The following RSBN1 variants were observed in gnomAD, a reference collection of about 807,000 sequenced individuals.
RSBN1 encodes round spermatid basic protein 1.
In RSBN1, 23 loss-of-function variants were observed where a neutral mutation model predicts 74.8. The ratio of observed to expected loss-of-function variants is 0.31; its 90% CI spans 0.22 to 0.44. The LOEUF is 0.44. Ranked by LOEUF, RSBN1 falls within the 20% of genes least tolerant of loss-of-function variation. The probability of loss-of-function intolerance (pLI) is 1.00; values close to 1 mark genes in which losing one functional copy is unlikely to be tolerated. For synonymous variants in RSBN1, 407 were observed against 379.6 expected, an observed-to-expected ratio of 1.07 and a Z score of -0.84; for missense variants, 808 against 1,020.9, an observed-to-expected ratio of 0.79 and a Z score of 2.84.
intron 1 of RSBN1, among the ~76,000 whole-genome samples, chr1:113,807,957 G>A (rs887087969): frequency 6.6e-6 from 1 of 151,958 alleles, no homozygotes; most frequent in Non-Finnish European, 1.5e-5. Flanking sequence ...TTAAGATCAT[G>A]ATGATGTATC....
rs1384628251 is a variant in RSBN1, at chr1:113,777,341, G to C, written c.1527C>G (p.Pro509=). The C allele has an allele frequency of 3.1e-6, 5 of 1,607,402 alleles. No individual in the cohort carries two copies. Among genetic ancestry groups the C allele is most frequent in the Non-Finnish European group, 4.2e-6 (5 of 1,176,850 alleles). Residue 509 remains proline (P), a synonymous_variant, in exon 4 of 7, where the codon CCC becomes CCG. Coordinates refer to ENST00000261441, the MANE Select transcript of RSBN1 (RefSeq NM_018364.5). ...EESPFLKMTL[P]WGTLSSLRLQ... is the part of the protein sequence containing the mutation. ...GTCGGAGGCTAGAAAGTGTACCCCA[G>C]GGCAAAGTCATCTAGAAATCAGACG...
intron 2 of RSBN1, among the ~76,000 whole-genome samples, chr1:113,786,429 AGAGTC>A (rs1398193924): frequency 6.6e-6 from 1 of 152,166 alleles, no homozygotes; most frequent in Non-Finnish European, 1.5e-5. Flanking sequence ...TGAGATGGGG[AGAGTC>A]TCCTGGATTA....
At chr1:113,807,344 C>T (rs116475957) in intron 1 of RSBN1, among the ~76,000 whole-genome samples, 2,032 of 146,356 alleles carry the variant, frequency 0.014, 52 homozygotes, top group African/African-American at 0.047. Flanking sequence ...AAAATAAAAA[C>T]AAGCAAACAA....
At chr1:113,808,465 G>A (rs1218013457) in intron 1 of RSBN1, among the ~76,000 whole-genome samples, 1 of 152,084 alleles carries the variant, frequency 6.6e-6, no homozygotes, top group Non-Finnish European at 1.5e-5. Context: ...GGATACAGAG[G>A]GCTAATTGTA....
rs760714822 is a variant in RSBN1 at position 113,766,447 on chromosome 1, G to T, written c.1942C>A (p.Gln648Lys). The change falls in exon 7 of 7, where the codon CAG (glutamine) becomes AAG (lysine). Residue 648 changes from glutamine to lysine, a missense_variant. Gln to Lys is a moderately conservative substitution (Grantham distance 53). Around this residue, in one of 6 missense-constraint regions of RSBN1, gnomAD observed 38 missense variants for 120.6 expected, o/e 0.32. Coordinates refer to ENST00000261441, the MANE Select transcript of RSBN1 (RefSeq NM_018364.5). ...TTTAGTTTAGCTTCATCTACCCACTGTACGCACTGAAGAAAGAAAAAAGTT... is the reference window on the plus strand; with the variant it reads ...TTTAGTTTAGCTTCATCTACCCACTTTACGCACTGAAGAAAGAAAAAAGTT... The part of the protein sequence containing the change: ...LHEPPVSQCV[Q>K]WVDEAKLNQM... The T allele has an allele frequency of 6.3e-7, 1 of 1,595,654 alleles. No individual in the cohort carries two copies. Among genetic ancestry groups the T allele is most frequent in the South Asian group, 1.1e-5 (1 of 90,360 alleles).
chr1:113,805,864 AG>A (rs1457644245), intron 1 of RSBN1, among the ~76,000 whole-genome samples: 1 of 152,238 alleles, frequency 6.6e-6, no homozygotes, highest in East Asian at 1.9e-4. Flanking sequence ...GCCGAACAGC[AG>A]GCTTTGCAGG....
intron 2 of RSBN1, among the ~76,000 whole-genome samples, chr1:113,788,219 A>C (rs1404833531): frequency 1.3e-5 from 2 of 152,096 alleles, no homozygotes; most frequent in Admixed American, 1.3e-4. Context: ...AAAGATAAGA[A>C]AATTGAGGTT....
At chr1:113,784,324 C>T (rs1376525572) in intron 2 of RSBN1, among the ~76,000 whole-genome samples, 2 of 152,132 alleles carry the variant, frequency 1.3e-5, no homozygotes, top group African/African-American at 2.4e-5. Flanking sequence ...CTTGTACTTA[C>T]ACAAATCTAA....
At chr1:113,791,268 CTT>C (rs1250757766) in intron 2 of RSBN1, among the ~76,000 whole-genome samples, 1 of 152,106 alleles carries the variant, frequency 6.6e-6, no homozygotes. Context: ...AATTTATTCT[CTT>C]TATAATATCT....
Position 113,766,477 on chromosome 1 carries a change from G to A in RSBN1, c.1936-24C>T, listed in dbSNP as rs1413299368. The stretch of plus-strand genomic sequence containing the variant: ...CACTGAAGAAAGAAAAAAGTTACGT[G>A]AGACTTTAAAATATGTAATAATTTA... On this transcript the variant is annotated intron_variant, in intron 6 of 6. Coordinates refer to ENST00000261441, the MANE Select transcript of RSBN1 (RefSeq NM_018364.5). 10 of 1,453,544 alleles carry A rather than the reference G, an allele frequency of 6.9e-6. No homozygotes were observed. In the South Asian group the frequency reaches 1.1e-4, roughly 16 times the overall value. 90.0% of individuals were successfully genotyped at this position (1,453,544 alleles called of 1,614,324 possible). A position where few individuals can be genotyped will look rare whatever the true frequency, so the allele number is the denominator to read the frequency against.
In RSBN1 at chr1:113,774,593, T is replaced by G. The variant is rs547415189; in HGVS notation, c.1658+2617A>C. Among the ~76,000 whole-genome samples the G allele has an allele frequency of 2.0e-5, 3 of 151,680 alleles. No individual in the cohort carries two copies. The South Asian group carries it at 6.3e-4, about 32-fold the overall frequency. The stretch of plus-strand genomic sequence containing the variant: ...TTGGGAGGCTGAAGCAGGAGAATGG[T>G]GTGAACCCGGGAGGAGGGGCTTGCA... On this transcript the variant is annotated intron_variant, in intron 4 of 6. Transcript: ENST00000261441.
chr1:113,792,160 G>A (rs1340262068), intron 2 of RSBN1, among the ~76,000 whole-genome samples: 4 of 152,068 alleles, frequency 2.6e-5, no homozygotes, highest in Non-Finnish European at 4.4e-5. Context: ...TTTTGAAAAA[G>A]ATACTTAAAA....
chr1:113,790,788 T>C (rs961667755), intron 2 of RSBN1, among the ~76,000 whole-genome samples: 4 of 152,208 alleles, frequency 2.6e-5, no homozygotes, highest in Non-Finnish European at 4.4e-5. Flanking sequence ...AGATGGTATA[T>C]GGTTTAAAAC....
At chr1:113,794,728 G>C (rs1660437288) in intron 2 of RSBN1, among the ~76,000 whole-genome samples, 1 of 152,056 alleles carries the variant, frequency 6.6e-6, no homozygotes, top group African/African-American at 2.4e-5. Context: ...CTCTATTACA[G>C]GGTTTTCCCT....
At chr1:113,788,845 G>A (rs1660309257) in intron 2 of RSBN1, among the ~76,000 whole-genome samples, 1 of 151,884 alleles carries the variant, frequency 6.6e-6, no homozygotes, top group Non-Finnish European at 1.5e-5. Context: ...ACATCAACCT[G>A]GAAAACACAG....
chr1:113,797,543 T>G lies in RSBN1; in HGVS notation c.1197A>C (p.Thr399=). 6.2e-7 allele frequency: 1 copy of G among 1,612,780 alleles called. No individual in the cohort carries two copies. The highest frequency in any genetic ancestry group is 1.1e-5 in the South Asian group (1 of 90,964). The change falls in exon 2 of 7, where the codon ACA becomes ACC. Residue 399 remains threonine (T), a synonymous_variant. Transcript: ENST00000261441. The part of the protein sequence containing the change: ...ERFSEEFLAL[T]FSENEKNAAY... ...CAGCATTTTTCTCATTTTCACTGAA[T>G]GTCAAAGCAAGAAACTCCTCAGAAA... is the stretch of plus-strand genomic sequence containing the variant.
intron 4 of RSBN1, among the ~76,000 whole-genome samples, chr1:113,776,689 G>A (rs779764595): frequency 3.3e-5 from 5 of 151,792 alleles, no homozygotes; most frequent in Non-Finnish European, 7.4e-5. Context: ...TGGGCATGGT[G>A]GTACACACCT....
intron 1 of RSBN1, among the ~76,000 whole-genome samples, chr1:113,805,877 C>T (rs1037581815): frequency 4.0e-4 from 61 of 152,286 alleles, no homozygotes; most frequent in African/African-American, 1.4e-3. Context: ...CTTTGCAGGT[C>T]TTATGGTCTC....
At chr1:113,808,508 A>G (rs926740532) in intron 1 of RSBN1, among the ~76,000 whole-genome samples, 1 of 152,246 alleles carries the variant, frequency 6.6e-6, no homozygotes, top group Non-Finnish European at 1.5e-5. Context: ...GAAAAGTTAC[A>G]TGCACACAAA....
Sources: gnomAD v4.1 joint callset for allele counts (sites outside exome capture counted in the v4.1 genomes callset) on GRCh38, gnomAD v4.1.1 for gene constraint, gnomAD v4.1.1 regional missense constraint, MANE v1.5 for transcripts, NCBI Gene and HGNC (gene_info 2026-07-23, HGNC 2026-07-21) for gene names.